Variants in NCAM1 observed in about 807,000 individuals in gnomAD.
NCAM1 encodes the protein neural cell adhesion molecule 1.
NCAM1 carries 14 observed loss-of-function variants against 109.8 expected under a neutral mutation model. The observed-to-expected ratio is 0.13, with a 90% CI of 0.08 to 0.20. The LOEUF is 0.20. Among genes scored for constraint, NCAM1 ranks in the 10% least tolerant of loss-of-function variants. The probability of loss-of-function intolerance (pLI) is 1.00; values close to 1 mark genes in which losing one functional copy is unlikely to be tolerated. For missense variants in NCAM1, 774 were observed against 1,109.9 expected, an observed-to-expected ratio of 0.70 and a Z score of 4.30; for synonymous variants, 418 against 442.9, an observed-to-expected ratio of 0.94 and a Z score of 0.70.
intron 14 of NCAM1, chr11:113,242,858 G>A (rs782254133): frequency 1.2e-6 from 2 of 1,613,920 alleles, no homozygotes; most frequent in Non-Finnish European, 1.7e-6. Context: ...TGAGTACAGG[G>A]CTGAGTTGCT....
intron 1 of NCAM1, among the ~76,000 whole-genome samples, chr11:113,191,805 G>A (rs1943687465): frequency 6.6e-6 from 1 of 151,830 alleles, no homozygotes; most frequent in Non-Finnish European, 1.5e-5. Context: ...ATATGAATGT[G>A]GAATTTTCCA....
intron 1 of NCAM1, among the ~76,000 whole-genome samples, chr11:113,199,935 C>T (rs1169593388): frequency 1.3e-5 from 2 of 151,586 alleles, no homozygotes; most frequent in Non-Finnish European, 2.9e-5. Context: ...CTCCATGGCC[C>T]AGAGATAGAT....
chr11:113,176,204 C>T (rs1209933917), intron 1 of NCAM1, among the ~76,000 whole-genome samples: 2 of 152,112 alleles, frequency 1.3e-5, no homozygotes, highest in Non-Finnish European at 1.5e-5. Flanking sequence ...ACCAACTGCA[C>T]GAACCCCCTG....
chr11:113,036,335 G>T (rs929692533), intron 1 of NCAM1, among the ~76,000 whole-genome samples: 1 of 151,984 alleles, frequency 6.6e-6, no homozygotes, highest in Non-Finnish European at 1.5e-5. Flanking sequence ...GGACGCAGCA[G>T]CCCTCTCCAG....
intron 1 of NCAM1, among the ~76,000 whole-genome samples, chr11:113,180,710 G>A (rs868953068): frequency 2.0e-4 from 31 of 152,346 alleles, no homozygotes; most frequent in Admixed American, 2.6e-4. Flanking sequence ...GCCTCACTGC[G>A]TTATTGGGGA....
At position 113,276,255 on chromosome 11, in the gene NCAM1, C is replaced by T. The variant is rs1442117469; in HGVS notation, c.*868C>T. 3 of 152,638 alleles carry T rather than the reference C, an allele frequency of 2.0e-5. No individual in the cohort carries two copies. Among genetic ancestry groups the T allele is most frequent in the Admixed American group, 6.5e-5 (1 of 15,284 alleles). The allele number at this position is 152,638 out of a possible 1,614,324, so 9.5% of individuals were successfully genotyped here. A position where few individuals can be genotyped will look rare whatever the true frequency, so the allele number is the denominator to read the frequency against. ...TTTAGCACAGGACAACTTTACAAAA[C>T]ATGATTGTTTACAGCTGCTCTTCCC... On this transcript the variant is annotated 3_prime_UTR_variant, in exon 20 of 20. Coordinates refer to ENST00000316851, the MANE Select transcript of NCAM1 (RefSeq NM_181351.5).
intron 1 of NCAM1, among the ~76,000 whole-genome samples, chr11:112,981,973 C>T (rs782526415): frequency 6.6e-6 from 1 of 151,808 alleles, no homozygotes; most frequent in Non-Finnish European, 1.5e-5. Flanking sequence ...TTTTGATGTG[C>T]CTGTTCAGAC....
Position 112,969,904 on chromosome 11 carries a change from G to A in NCAM1, c.52+8240G>A, listed in dbSNP as rs192450424. Among the ~76,000 whole-genome samples, 9 of 152,232 alleles carry A rather than the reference G, an allele frequency of 5.9e-5. No individual in the cohort carries two copies. In the East Asian group the frequency reaches 1.7e-3, roughly 29 times the overall value. ...AAAGATATTATATCAGTAAGTGCCC[G>A]AATGAAGCAGGCAGGTAAAAACTGG... On this transcript the variant is annotated intron_variant, in intron 1 of 19. Coordinates refer to ENST00000316851, the MANE Select transcript of NCAM1 (RefSeq NM_181351.5).
chr11:113,162,184 C>A (rs7939805), intron 1 of NCAM1, among the ~76,000 whole-genome samples: 10,446 of 152,254 alleles, frequency 0.069, 729 homozygotes, highest in African/African-American at 0.17. Context: ...GCTACAGGAA[C>A]AAGGCCAGGG....
chr11:113,140,614 A>G (rs1352007187), intron 1 of NCAM1, among the ~76,000 whole-genome samples: 1 of 152,194 alleles, frequency 6.6e-6, no homozygotes, highest in African/African-American at 2.4e-5. Flanking sequence ...TTGACCCTGA[A>G]TGTAGGACTT....
intron 1 of NCAM1, among the ~76,000 whole-genome samples, chr11:113,032,406 A>T (rs1427895572): frequency 6.6e-6 from 1 of 152,080 alleles, no homozygotes. Flanking sequence ...TCATTCAGGG[A>T]TTCAGGCACC....
intron 1 of NCAM1, among the ~76,000 whole-genome samples, chr11:113,153,447 A>AGT (rs1484244889): frequency 4.8e-4 from 63 of 130,656 alleles, no homozygotes; most frequent in Middle Eastern, 3.5e-3. Context: ...GCACAGAGAC[A>AGT]GAGAGTGAGA....
chr11:113,173,501 T>C (rs1393776280), intron 1 of NCAM1, among the ~76,000 whole-genome samples: 1 of 150,998 alleles, frequency 6.6e-6, no homozygotes, highest in Non-Finnish European at 1.5e-5. Context: ...GCTGTTTTAA[T>C]AGCAGCAGTT....
chr11:113,247,839 T>TA (rs1945547626), intron 15 of NCAM1, among the ~76,000 whole-genome samples: 1 of 152,124 alleles, frequency 6.6e-6, no homozygotes. Flanking sequence ...CCACCCAAAA[T>TA]ACGGTATTTT....
chr11:112,991,250 A>T (rs1951449322), intron 1 of NCAM1, among the ~76,000 whole-genome samples: 1 of 152,226 alleles, frequency 6.6e-6, no homozygotes, highest in Non-Finnish European at 1.5e-5. Context: ...TAGGAATAAA[A>T]GCAAAATTCA....
intron 15 of NCAM1, among the ~76,000 whole-genome samples, chr11:113,252,050 CAGCAAGTTACAG>C (rs2137528526): frequency 6.6e-6 from 1 of 152,322 alleles, no homozygotes; most frequent in African/African-American, 2.4e-5. Flanking sequence ...CATGTACTCA[CAGCAAGTTACAG>C]AGCCACCAAG....
intron 15 of NCAM1, among the ~76,000 whole-genome samples, chr11:113,246,823 T>A (rs1404252532): frequency 6.6e-5 from 10 of 152,270 alleles, no homozygotes; most frequent in African/African-American, 2.2e-4. Flanking sequence ...GAGTGAAATA[T>A]ATCAATTGCA....
At chr11:113,086,651 G>C (rs1939104702) in intron 1 of NCAM1, among the ~76,000 whole-genome samples, 1 of 152,108 alleles carries the variant, frequency 6.6e-6, no homozygotes, top group Non-Finnish European at 1.5e-5. Context: ...CTCTAAAAGT[G>C]TCAGCCACAC....
At chr11:113,027,571 G>T (rs752174525) in intron 1 of NCAM1, among the ~76,000 whole-genome samples, 3 of 152,190 alleles carry the variant, frequency 2.0e-5, no homozygotes, top group Non-Finnish European at 4.4e-5. Context: ...ATGATAAATT[G>T]TTGGTGTAGA....
Sources: allele counts gnomAD v4.1 joint callset (sites outside exome capture counted in the v4.1 genomes callset), GRCh38; gene constraint gnomAD v4.1.1; transcripts MANE v1.5; gene names NCBI Gene and HGNC (gene_info 2026-07-23, HGNC 2026-07-21).